Variants in RIMBP2 observed in about 807,000 individuals in gnomAD.
RIMBP2 encodes RIMS binding protein 2.
A neutral mutation model predicts 118.6 loss-of-function variants in RIMBP2; 48 were observed. The observed-to-expected ratio is 0.40, with a 90% CI of 0.32 to 0.51. RIMBP2 has a LOEUF of 0.51. RIMBP2 is among the 20% of genes least tolerant of loss of function. RIMBP2 has a pLI of 0.41. For synonymous variants in RIMBP2, 762 were observed against 742.9 expected (o/e 1.03, Z -0.42); for missense variants, 1,551 against 1,768.3 (o/e 0.88, Z 2.20).
In RIMBP2 at chr12:130,622,314, C is replaced by T. The variant is rs10848162; in HGVS notation, c.-217+6008G>A. ...ATCACAAGTTTTGCCATCTCTGTGCCCACTGTTAACTGACCCTCTTTCTTT... is the reference window on the plus strand; with the variant it reads ...ATCACAAGTTTTGCCATCTCTGTGCTCACTGTTAACTGACCCTCTTTCTTT... On this transcript the variant is annotated intron_variant, in intron 2 of 22. Coordinates refer to ENST00000690449, the MANE Select transcript of RIMBP2 (RefSeq NM_001393629.1). The surrounding 1 kb of genome is among the most constrained non-coding windows in gnomAD (Gnocchi z 8.5). Among the ~76,000 whole-genome samples the T allele has an allele frequency of 0.1, 15,613 of 152,160 alleles. 1,011 individuals carry two copies. The highest frequency in any genetic ancestry group is 0.2 in the Admixed American group (3,106 of 15,282).
intron 14 of RIMBP2, chr12:130,430,645 T>TC (rs1593267278): frequency 6.8e-6 from 1 of 147,178 alleles, no homozygotes. Context: ...TTTTTTTTTT[T>TC]TTTGAGATGG....
Position 130,482,058 on chromosome 12 carries a change from G to A in RIMBP2, c.-3-3042C>T, listed in dbSNP as rs553465750. The stretch of plus-strand genomic sequence containing the variant: ...CCAAGACAAACTGACAGAGCCCTGG[G>A]GGATGCAGGGGATTCCCCGAGCTCC... On this transcript the variant is annotated intron_variant, in intron 4 of 22. Transcript: ENST00000690449. 9.9e-5 allele frequency among the ~76,000 whole-genome samples: 15 copies of A among 152,254 alleles called. No homozygotes were observed. The South Asian group carries it at 2.1e-3, about 21-fold the overall frequency.
At chr12:130,673,568 G>A (rs1017938993) in intron 1 of RIMBP2, among the ~76,000 whole-genome samples, 1 of 152,130 alleles carries the variant, frequency 6.6e-6, no homozygotes, top group Non-Finnish European at 1.5e-5. Context: ...CGTGCCACTT[G>A]TGGGTCAAGG....
intron 2 of RIMBP2, among the ~76,000 whole-genome samples, chr12:130,600,318 C>T (rs1449631492): frequency 1.3e-5 from 2 of 152,184 alleles, no homozygotes; most frequent in Middle Eastern, 3.2e-3. Context: ...ACACAAATGA[C>T]GTCTCCGACC....
At chr12:130,625,683 C>T (rs1234692093) in intron 2 of RIMBP2, among the ~76,000 whole-genome samples, 1 of 152,170 alleles carries the variant, frequency 6.6e-6, no homozygotes, top group Non-Finnish European at 1.5e-5. Flanking sequence ...AAGCAGCCAA[C>T]AATCTATCAA....
chr12:130,678,634 C>T (rs1046873801), intron 1 of RIMBP2, among the ~76,000 whole-genome samples: 13 of 152,204 alleles, frequency 8.5e-5, no homozygotes, highest in Admixed American at 8.5e-4. Flanking sequence ...TCTCCTGCCT[C>T]AGCCTCCAGA....
chr12:130,396,921 A>T lies in RIMBP2; in HGVS notation c.*440T>A, dbSNP rs958662984. 1 of 152,740 alleles carries T rather than the reference A, an allele frequency of 6.5e-6. No homozygotes were observed. Among genetic ancestry groups the T allele is most frequent in the African/African-American group, 2.4e-5 (1 of 41,482 alleles). The allele number at this position is 152,740 out of a possible 1,614,324, so 9.5% of individuals were successfully genotyped here. A position where few individuals can be genotyped will look rare whatever the true frequency, so the allele number is the denominator to read the frequency against. ...TCATTGTGCATTTATAAGGCAGAAC[A>T]TCAAGGCGAATTAAACTAGGAATTT... On this transcript the variant is annotated 3_prime_UTR_variant, in exon 23 of 23. Transcript: ENST00000690449.
chr12:130,604,829 A>C (rs11061019), intron 2 of RIMBP2, among the ~76,000 whole-genome samples: 1 of 141,542 alleles, frequency 7.1e-6, no homozygotes, highest in African/African-American at 2.6e-5. Flanking sequence ...TGACCCGCCC[A>C]CCTCGGCCTC....
intron 4 of RIMBP2, among the ~76,000 whole-genome samples, chr12:130,499,104 A>G (rs2049483245): frequency 6.6e-6 from 1 of 152,262 alleles, no homozygotes; most frequent in Non-Finnish European, 1.5e-5. Context: ...TCACATGGCA[A>G]CAGGAAAGAG....
At chr12:130,612,891 T>C (rs2060645980) in intron 2 of RIMBP2, among the ~76,000 whole-genome samples, 1 of 151,822 alleles carries the variant, frequency 6.6e-6, no homozygotes, top group African/African-American at 2.4e-5. Flanking sequence ...AAACAGCTTC[T>C]CCTTTCCCTC....
chr12:130,629,775 A>G (rs1233101147), intron 1 of RIMBP2, among the ~76,000 whole-genome samples: 1 of 152,172 alleles, frequency 6.6e-6, no homozygotes, highest in Non-Finnish European at 1.5e-5. Context: ...CTACAACAAA[A>G]TGTGTTCAGC....
At chr12:130,426,500 G>C (rs577879757) in intron 15 of RIMBP2, 2 of 152,428 alleles carry the variant, frequency 1.3e-5, no homozygotes, top group East Asian at 3.9e-4. Flanking sequence ...GGATGTTCTC[G>C]ATCTCTTGAC....
chr12:130,644,240 C>T (rs2062750785), intron 1 of RIMBP2, among the ~76,000 whole-genome samples: 1 of 152,162 alleles, frequency 6.6e-6, no homozygotes, highest in African/African-American at 2.4e-5. Flanking sequence ...CACACACTTG[C>T]TACAAGACTG....
Position 130,442,537 on chromosome 12 carries a change from G to A in RIMBP2, c.815C>T (p.Ser272Phe), listed in dbSNP as rs761809474. 7 of 1,614,170 alleles carry A rather than the reference G, an allele frequency of 4.3e-6. No individual in the cohort carries two copies. The highest frequency in any genetic ancestry group is 5.9e-6 in the Non-Finnish European group (7 of 1,180,038). Residue 272 changes from serine to phenylalanine, a missense_variant, in exon 11 of 23, where the codon TCC becomes TTC. By Grantham distance (155) the Ser-to-Phe change is radical. Coordinates refer to ENST00000690449, the MANE Select transcript of RIMBP2 (RefSeq NM_001393629.1). The surrounding 1 kb of genome is among the most constrained non-coding windows in gnomAD (Gnocchi z 6.9). ...NEQDQNFINH[S>F]GIGLEGEHIL... is the part of the protein sequence containing the mutation. ...GTGCTCTCCCTCCAGGCCGATGCCG[G>A]AATGGTTGATGAAGTTCTGATCCTG...
chr12:130,410,054 C>T (rs904439939), intron 19 of RIMBP2, among the ~76,000 whole-genome samples: 4 of 152,228 alleles, frequency 2.6e-5, no homozygotes, highest in Admixed American at 1.3e-4. Flanking sequence ...CCCACACCTG[C>T]GACGGCCAGC....
intron 6 of RIMBP2, among the ~76,000 whole-genome samples, chr12:130,466,822 A>G (rs2080522538): frequency 6.6e-6 from 1 of 152,178 alleles, no homozygotes; most frequent in South Asian, 2.1e-4. Flanking sequence ...CCCGAGACAA[A>G]GGTATATCTG....
intron 11 of RIMBP2, among the ~76,000 whole-genome samples, chr12:130,441,420 A>AATAATAATC: frequency 7.1e-6 from 1 of 141,436 alleles, no homozygotes; most frequent in Non-Finnish European, 1.5e-5. Flanking sequence ...TAATAATAAT[A>AATAATAATC]ATAATAATAA....
intron 5 of RIMBP2, among the ~76,000 whole-genome samples, chr12:130,476,880 G>A (rs950153730): frequency 2.6e-5 from 4 of 152,150 alleles, no homozygotes; most frequent in East Asian, 1.9e-4. Flanking sequence ...AGGGGCAGAC[G>A]GCCGACCCCT....
intron 11 of RIMBP2, among the ~76,000 whole-genome samples, chr12:130,440,915 C>T (rs775248923): frequency 1.3e-5 from 2 of 152,140 alleles, no homozygotes; most frequent in African/African-American, 2.4e-5. Context: ...AGTAACTCAG[C>T]AGCACTGGGA....
Sources: allele counts gnomAD v4.1 joint callset (sites outside exome capture counted in the v4.1 genomes callset), GRCh38; gene constraint gnomAD v4.1.1; non-coding constraint Gnocchi (gnomAD v3.1); transcripts MANE v1.5; gene names NCBI Gene and HGNC (gene_info 2026-07-23, HGNC 2026-07-21).